The following FBXO34 variants were observed in gnomAD, a reference collection of about 807,000 sequenced individuals.
FBXO34 encodes F-box protein 34.
FBXO34 carries 12 observed loss-of-function variants against 24.5 expected under a neutral mutation model. That is an observed-to-expected ratio of 0.49 (90% confidence interval 0.31 to 0.79). The LOEUF (loss-of-function observed/expected upper bound fraction) is 0.79. Among genes scored for constraint, FBXO34 ranks in the 30% least tolerant of loss-of-function variants. FBXO34 has a pLI of 0.04. For synonymous variants in FBXO34, 320 were observed against 311.9 expected (o/e 1.03, Z -0.27); for missense variants, 823 against 857.7 (o/e 0.96, Z 0.51).
chr14:55,341,134 CA>C (rs1197533077), intron 1 of FBXO34, among the ~76,000 whole-genome samples: 2 of 152,162 alleles, frequency 1.3e-5, no homozygotes, highest in African/African-American at 4.8e-5. Flanking sequence ...ACTCCAAATA[CA>C]TCATGGGCAA....
At chr14:55,309,515 T>A (rs1423545807) in intron 1 of FBXO34, among the ~76,000 whole-genome samples, 1 of 152,216 alleles carries the variant, frequency 6.6e-6, no homozygotes, top group Non-Finnish European at 1.5e-5. Flanking sequence ...AGAAGACCTC[T>A]TTTTTAAACT....
the FBXO34 span, among the ~76,000 whole-genome samples, chr14:55,416,637 T>G: frequency 6.6e-6 from 1 of 152,154 alleles, no homozygotes; most frequent in Non-Finnish European, 1.5e-5. Context: ...GCTCTAAAAT[T>G]TTGGTTTCTA....
chr14:55,442,140 G>A, the FBXO34 span, among the ~76,000 whole-genome samples: 1 of 151,132 alleles, frequency 6.6e-6, no homozygotes, highest in East Asian at 2.0e-4. Flanking sequence ...TGTAATCCCA[G>A]AACTTTGGGA....
At chr14:55,280,672 G>A (rs1465768991) in intron 1 of FBXO34, among the ~76,000 whole-genome samples, 1 of 151,884 alleles carries the variant, frequency 6.6e-6, no homozygotes, top group African/African-American at 2.4e-5. Context: ...GACTACAGGT[G>A]CCCGCCACCT....
At chr14:55,402,123 C>T in the FBXO34 span, among the ~76,000 whole-genome samples, 8,928 of 152,220 alleles carry the variant, frequency 0.059, 335 homozygotes, top group South Asian at 0.089. Context: ...GGGATGCAGA[C>T]TATTAATTCT....
Position 55,338,944 on chromosome 14 carries a change from A to C in FBXO34, c.-10-11437A>C, listed in dbSNP as rs181498386. 7.8e-3 allele frequency among the ~76,000 whole-genome samples: 1,179 copies of C among 150,836 alleles called. 12 individuals are homozygous for C. Among genetic ancestry groups the C allele is most frequent in the African/African-American group, 0.023 (930 of 41,102 alleles). ...AACAAAAAAAAAAAAGCCAAAAAAA[A>C]CCCCCCAAAAAAACCAGTTCTCTAA... On this transcript the variant is annotated intron_variant, in intron 1 of 1. Transcript: ENST00000313833.
chr14:55,273,192 C>G (rs1281408026), intron 1 of FBXO34, among the ~76,000 whole-genome samples: 1 of 148,530 alleles, frequency 6.7e-6, no homozygotes, highest in African/African-American at 2.6e-5. Context: ...TTTTTCCTCT[C>G]TCTCAATACT....
the FBXO34 span, chr14:55,413,941 A>G: frequency 2.0e-6 from 1 of 494,574 alleles, no homozygotes; most frequent in Non-Finnish European, 4.0e-6. Flanking sequence ...CTTGATGTCT[A>G]CAATATCACC....
chr14:55,332,718 T>G (rs1272637762), intron 1 of FBXO34, among the ~76,000 whole-genome samples: 4 of 152,220 alleles, frequency 2.6e-5, no homozygotes, highest in African/African-American at 9.6e-5. Flanking sequence ...GAACTTTTAG[T>G]TTATCAGAAA....
At chr14:55,292,981 C>T (rs1045378810) in intron 1 of FBXO34, among the ~76,000 whole-genome samples, 29 of 152,182 alleles carry the variant, frequency 1.9e-4, no homozygotes, top group African/African-American at 6.5e-4. Context: ...CTCCCAGGTT[C>T]AAGCAGTTCT....
intron 1 of FBXO34, among the ~76,000 whole-genome samples, chr14:55,319,792 C>G (rs962052570): frequency 2.0e-5 from 3 of 152,180 alleles, no homozygotes; most frequent in Non-Finnish European, 4.4e-5. Context: ...TCTCCTGCCT[C>G]AGCCTCCCAA....
At chr14:55,414,601 A>G in the FBXO34 span, 1 of 622,372 alleles carries the variant, frequency 1.6e-6, no homozygotes, top group Non-Finnish European at 2.6e-6. Context: ...ATTCCGGGTA[A>G]ATAATTTGGC....
At chr14:55,376,762 A>G in the FBXO34 span, among the ~76,000 whole-genome samples, 1 of 152,180 alleles carries the variant, frequency 6.6e-6, no homozygotes, top group Non-Finnish European at 1.5e-5. Context: ...CTCTTTCAAA[A>G]GTGTAAATAT....
chr14:55,274,671 A>G (rs1881274546), intron 1 of FBXO34, among the ~76,000 whole-genome samples: 1 of 152,244 alleles, frequency 6.6e-6, no homozygotes, highest in South Asian at 2.1e-4. Context: ...TTTTATTAAC[A>G]TTTAGAATTT....
chr14:55,395,072 CT>C, the FBXO34 span: 1 of 503,780 alleles, frequency 2.0e-6, no homozygotes. Context: ...CCCCTTTTCC[CT>C]TTTGTTTGCA....
At chr14:55,312,818 A>AT (rs955330478) in intron 1 of FBXO34, among the ~76,000 whole-genome samples, 3 of 152,056 alleles carry the variant, frequency 2.0e-5, no homozygotes, top group African/African-American at 7.2e-5. Flanking sequence ...CCAGGAAACC[A>AT]TTTTTTCCTC....
chr14:55,390,931 C>T, the FBXO34 span: 119 of 1,601,744 alleles, frequency 7.4e-5, no homozygotes, highest in Admixed American at 4.4e-4. Flanking sequence ...TTCTTCATTT[C>T]CTTTACATAT....
At chr14:55,369,843 T>C (rs1288639625), downstream of FBXO34, 3 of 1,614,128 alleles carry the variant, frequency 1.9e-6, no homozygotes, top group East Asian at 2.2e-5. Context: ...TCATCTCCGC[T>C]CTCATCTGAT....
At chr14:55,280,527 C>CTTTTTTTTTT (rs77678519) in intron 1 of FBXO34, among the ~76,000 whole-genome samples, 5 of 125,910 alleles carry the variant, frequency 4.0e-5, no homozygotes, top group Non-Finnish European at 6.4e-5. Flanking sequence ...ATATCAGGAA[C>CTTTTTTTTTT]TTTTTTTTTT....
Sources: allele counts gnomAD v4.1 joint callset (sites outside exome capture counted in the v4.1 genomes callset), GRCh38; gene constraint gnomAD v4.1.1; transcripts MANE v1.5; gene names NCBI Gene and HGNC (gene_info 2026-07-23, HGNC 2026-07-21).